PRKCE: variants seen among roughly 807,000 people sequenced by gnomAD.
PRKCE encodes the protein protein kinase C epsilon type.
Under a neutral mutation model 85.4 loss-of-function variants are expected in PRKCE, and 16 were observed. The ratio of observed to expected loss-of-function variants is 0.19; its 90% CI spans 0.13 to 0.28. PRKCE has a LOEUF of 0.28. PRKCE is among the 10% of genes least tolerant of loss of function. The probability of loss-of-function intolerance (pLI) is 1.00; values close to 1 mark genes in which losing one functional copy is unlikely to be tolerated. For missense variants in PRKCE, 573 were observed against 975.2 expected (o/e 0.59, Z 5.49); for synonymous variants, 388 against 371.5 (o/e 1.04, Z -0.51).
At chr2:45,887,382 G>C (rs1291715422) in intron 2 of PRKCE, among the ~76,000 whole-genome samples, 3 of 150,086 alleles carry the variant, frequency 2.0e-5, no homozygotes, top group Non-Finnish European at 4.5e-5. Flanking sequence ...GTAGGTCGAG[G>C]TTCAGTTGTA....
At chr2:45,773,066 C>G (rs1164535851) in intron 1 of PRKCE, among the ~76,000 whole-genome samples, 2 of 152,170 alleles carry the variant, frequency 1.3e-5, no homozygotes. Context: ...TGCTCCTTCC[C>G]CTTCAGGATT....
chr2:46,042,878 G>C (rs1344613523), intron 10 of PRKCE, among the ~76,000 whole-genome samples: 1 of 152,172 alleles, frequency 6.6e-6, no homozygotes, highest in African/African-American at 2.4e-5. Context: ...TGATTGCCAC[G>C]CAATGTTCTT....
chr2:45,842,883 G>A, intron 1 of PRKCE, 117 bp from the exon 2 acceptor site: 2 of 906,992 alleles, frequency 2.2e-6, no homozygotes, highest in Admixed American at 1.8e-5. Context: ...TTGTAGGTTG[G>A]TGAATTACAT....
chr2:45,904,951 G>A (rs944908523), intron 2 of PRKCE, among the ~76,000 whole-genome samples: 4 of 152,200 alleles, frequency 2.6e-5, no homozygotes, highest in Non-Finnish European at 4.4e-5. Flanking sequence ...GTGAGGTCCC[G>A]GGCGTGGACC....
At chr2:45,877,209 T>C (rs1694544141) in intron 2 of PRKCE, among the ~76,000 whole-genome samples, 1 of 152,216 alleles carries the variant, frequency 6.6e-6, no homozygotes, top group Admixed American at 6.5e-5. Context: ...GCTGTCAATC[T>C]GTTACTCTTT....
intron 2 of PRKCE, among the ~76,000 whole-genome samples, chr2:45,974,980 C>G (rs922726267): frequency 6.6e-6 from 1 of 152,170 alleles, no homozygotes; most frequent in African/African-American, 2.4e-5. Flanking sequence ...GAAAGCCACT[C>G]AGATGAGAGC....
chr2:45,822,189 A>G (rs546235484), intron 1 of PRKCE, among the ~76,000 whole-genome samples: 134 of 152,370 alleles, frequency 8.8e-4, no homozygotes, highest in African/African-American at 3.0e-3. Context: ...TGTGTGTACA[A>G]AGGCACACAG....
chr2:45,874,995 A>C (rs1016860230), intron 2 of PRKCE, among the ~76,000 whole-genome samples: 14 of 152,204 alleles, frequency 9.2e-5, no homozygotes, highest in Admixed American at 3.3e-4. Flanking sequence ...ATGTCGACAT[A>C]CTAAATATGA....
chr2:45,724,013 C>T (rs868703835), intron 1 of PRKCE, among the ~76,000 whole-genome samples: 1 of 152,194 alleles, frequency 6.6e-6, no homozygotes, highest in South Asian at 2.1e-4. Flanking sequence ...AGTCTAGAAC[C>T]TCCACTTTTC....
intron 1 of PRKCE, among the ~76,000 whole-genome samples, chr2:45,768,167 G>A (rs1461611452): frequency 3.3e-5 from 5 of 152,252 alleles, no homozygotes; most frequent in Admixed American, 3.3e-4. Context: ...ATGTTTCCCA[G>A]TGGGTAGATG....
intron 1 of PRKCE, among the ~76,000 whole-genome samples, chr2:45,790,128 G>A (rs1022785977): frequency 1.1e-4 from 17 of 152,316 alleles, no homozygotes; most frequent in African/African-American, 4.1e-4. Flanking sequence ...TGTGTAGCCA[G>A]CTCTTCAGTA....
intron 1 of PRKCE, among the ~76,000 whole-genome samples, chr2:45,714,039 T>C (rs981422765): frequency 1.3e-5 from 2 of 152,268 alleles, no homozygotes; most frequent in Admixed American, 1.3e-4. Flanking sequence ...GCAATACATT[T>C]ACTGTCATAA....
chr2:45,874,173 C>G (rs1318424136), intron 2 of PRKCE, among the ~76,000 whole-genome samples: 1 of 152,202 alleles, frequency 6.6e-6, no homozygotes, highest in African/African-American at 2.4e-5. Flanking sequence ...TCCAGACTTA[C>G]CCCAAACTTC....
chr2:46,043,643 G>A (rs1284825128), intron 10 of PRKCE, among the ~76,000 whole-genome samples: 1 of 152,138 alleles, frequency 6.6e-6, no homozygotes, highest in Non-Finnish European at 1.5e-5. Context: ...GAGGTGGAAG[G>A]GGAGATGGAG....
In PRKCE at chr2:46,026,257, T is replaced by G. The variant is rs139173024; in HGVS notation, c.1437+15740T>G. Reference sequence around the variant, plus strand: ...GGAGAGTATACGAAGTTAGAGGGTATAAAAGCTATGTGGATGGTTCAAAGA... The same window carrying G: ...GGAGAGTATACGAAGTTAGAGGGTAGAAAAGCTATGTGGATGGTTCAAAGA... On this transcript the variant is annotated intron_variant, in intron 10 of 14. Transcript: ENST00000306156. Among the ~76,000 whole-genome samples the G allele has an allele frequency of 1.4e-3, 211 of 152,228 alleles. 2 individuals carry two copies. The highest frequency in any genetic ancestry group is 4.8e-3 in the African/African-American group (200 of 41,542).
chr2:45,958,554 T>C (rs1321423452), intron 2 of PRKCE, among the ~76,000 whole-genome samples: 2 of 147,700 alleles, frequency 1.4e-5, no homozygotes, highest in Non-Finnish European at 3.0e-5. Context: ...TAGAAACAAC[T>C]CCCTTTCACA....
chr2:46,143,251 CATT>C (rs1433683728), intron 11 of PRKCE, among the ~76,000 whole-genome samples: 2 of 152,106 alleles, frequency 1.3e-5, no homozygotes, highest in Non-Finnish European at 2.9e-5. Flanking sequence ...AAAGAAGCAT[CATT>C]GTTGTTCCTT....
intron 10 of PRKCE, among the ~76,000 whole-genome samples, chr2:46,026,166 A>G (rs1408413296): frequency 6.6e-6 from 1 of 152,234 alleles, no homozygotes; most frequent in Non-Finnish European, 1.5e-5. Context: ...TTGGTAGGAA[A>G]TGGTACTAAC....
intron 11 of PRKCE, among the ~76,000 whole-genome samples, chr2:46,110,552 C>A (rs1174475449): frequency 6.6e-6 from 1 of 151,584 alleles, no homozygotes; most frequent in African/African-American, 2.4e-5. Context: ...GCTTACATTT[C>A]TTATATTGGT....
Sources: allele counts gnomAD v4.1 joint callset (sites outside exome capture counted in the v4.1 genomes callset), GRCh38; gene constraint gnomAD v4.1.1; transcripts MANE v1.5; gene names NCBI Gene and HGNC (gene_info 2026-07-23, HGNC 2026-07-21).